Variants in NFU1 observed in about 807,000 individuals in gnomAD.
NFU1 encodes the protein NFU1 iron-sulfur cluster scaffold homolog, mitochondrial.
Under a neutral mutation model 32.2 loss-of-function variants are expected in NFU1, and 30 were observed. The ratio of observed to expected loss-of-function variants is 0.93; its 90% CI spans 0.70 to 1.26. NFU1 has a LOEUF of 1.26. NFU1 is among the 50% of genes most tolerant of loss of function. The pLI is 0.00. For missense variants in NFU1, 306 were observed against 306.6 expected (o/e 1.00, Z 0.02); for synonymous variants, 112 against 104.6 (o/e 1.07, Z -0.43).
chr2:69,417,607 G>A (rs1019092169), intron 4 of NFU1, among the ~76,000 whole-genome samples: 5 of 152,074 alleles, frequency 3.3e-5, no homozygotes, highest in South Asian at 2.1e-4. Context: ...ACCCATGATC[G>A]CACTACTGTA....
rs768949114 is a variant in NFU1, at chr2:69,415,249, T to A, written c.420A>T (p.Thr140=). Residue 140 remains threonine, a synonymous_variant, in exon 5 of 8, where the codon ACA becomes ACT. Coordinates refer to ENST00000410022, the MANE Select transcript of NFU1 (RefSeq NM_001002755.4). The part of the protein sequence containing the change: ...WNLLKPDIYA[T]IMDFFASGLP... ...AGCCAGATGCAAAGAAGTCCATGAT[T>A]GTTGCATAAATATCTGGTTTCAGTA... 64 of 1,613,108 alleles carry A rather than the reference T, an allele frequency of 4.0e-5. 1 individual carries two copies. The highest frequency in any genetic ancestry group is 2.5e-4 in the South Asian group (23 of 91,054).
Position 69,431,885 on chromosome 2 carries a change from A to C in NFU1, c.166+17T>G. On this transcript the variant is annotated intron_variant, in intron 2 of 7. Coordinates refer to ENST00000410022, the MANE Select transcript of NFU1 (RefSeq NM_001002755.4). The stretch of plus-strand genomic sequence containing the variant: ...AGTTTCTGAAACACAACTGCTATAA[A>C]AGAGGTGAAATTTTACCTGGGTGAT... 6.7e-7 allele frequency: 1 copy of C among 1,497,670 alleles called. No individual in the cohort carries two copies. Among genetic ancestry groups the C allele is most frequent in the Non-Finnish European group, 9.3e-7 (1 of 1,073,722 alleles). The allele number at this position is 1,497,670 out of a possible 1,614,324, so 92.8% of individuals were successfully genotyped here.
upstream of NFU1, among the ~76,000 whole-genome samples, chr2:69,438,913 C>G (rs1192451417): frequency 7.0e-5 from 9 of 127,982 alleles, no homozygotes; most frequent in Non-Finnish European, 1.3e-4. Context: ...CCCACCCCCC[C>G]ACACACACCC....
At chr2:69,421,676 T>C (rs1558835696) in intron 3 of NFU1, among the ~76,000 whole-genome samples, 1 of 149,060 alleles carries the variant, frequency 6.7e-6, no homozygotes, top group Non-Finnish European at 1.5e-5. Flanking sequence ...CATGCCATTC[T>C]CCTGCCTCAG....
chr2:69,404,536 TTAACATATAC>T (rs1662223554), intron 6 of NFU1, among the ~76,000 whole-genome samples: 1 of 150,902 alleles, frequency 6.6e-6, no homozygotes, highest in African/African-American at 2.4e-5. Context: ...ATCAAGCTAA[TTAACATATAC>T]TAACATATAC....
chr2:69,423,575 A>C lies in NFU1; in HGVS notation c.302+7T>G. 6.2e-7 allele frequency: 1 copy of C among 1,612,594 alleles called. No individual in the cohort carries two copies. Among genetic ancestry groups the C allele is most frequent in the Non-Finnish European group, 8.5e-7 (1 of 1,179,656 alleles). On this transcript the variant is annotated splice_region_variant and intron_variant, in intron 3 of 7. Transcript: ENST00000410022. ...CTTGGTAAAAGCAAATGAAAACAGT[A>C]ATATACCTAGCCAGAGGGGAGCGAA...
At chr2:69,396,320 A>C (rs764732484) in intron 7 of NFU1, 30 bp from the exon 8 acceptor site, 2 of 1,523,974 alleles carry the variant, frequency 1.3e-6, no homozygotes, top group Non-Finnish European at 1.8e-6. Context: ...ACAATTTAAG[A>C]ATTAAGAAAA....
intron 2 of NFU1, among the ~76,000 whole-genome samples, chr2:69,427,156 C>T (rs1378836347): frequency 1.2e-4 from 18 of 150,652 alleles, no homozygotes; most frequent in African/African-American, 2.9e-4. Context: ...GAGGCCAAAG[C>T]GGGTGGATCA....
intron 7 of NFU1, among the ~76,000 whole-genome samples, chr2:69,397,129 ACTTTTT>A (rs1055270371): frequency 3.9e-5 from 6 of 152,120 alleles, no homozygotes; most frequent in Non-Finnish European, 7.4e-5. Context: ...AATGTAAATG[ACTTTTT>A]CTTTTTTTCA....
rs1553401332 is a variant in NFU1, at chr2:69,424,201, A to ATATATATATG, written c.167-485_167-484insCATATATATA. ...AAAAAAAAAAAAAAAAAAAAAAAAT[A>ATATATATATG]TATATATATATATATATATCTCAAT... On this transcript the variant is annotated intron_variant, in intron 2 of 7. Transcript: ENST00000410022. Among the ~76,000 whole-genome samples, 663 of 82,056 alleles carry ATATATATATG rather than the reference A, an allele frequency of 8.1e-3. 27 individuals are homozygous for ATATATATATG. The South Asian group carries it at 0.097, about 12-fold the overall frequency. The allele number at this position is 82,056 out of a possible 152,430, so 53.8% of individuals were successfully genotyped here.
At chr2:69,432,892 G>C (rs1673691600) in intron 1 of NFU1, among the ~76,000 whole-genome samples, 1 of 151,990 alleles carries the variant, frequency 6.6e-6, no homozygotes, top group Non-Finnish European at 1.5e-5. Flanking sequence ...GCTCACGCCT[G>C]TAATGCCAGC....
intron 3 of NFU1, among the ~76,000 whole-genome samples, chr2:69,420,059 G>A (rs770800160): frequency 1.3e-5 from 2 of 151,814 alleles, no homozygotes; most frequent in South Asian, 2.1e-4. Context: ...AGGCTGGAGT[G>A]CAGTGGTGAG....
upstream of NFU1, chr2:69,437,537 C>CGGTCCTGCTGCGGAT: frequency 7.4e-7 from 1 of 1,347,102 alleles, no homozygotes; most frequent in Non-Finnish European, 1.0e-6. Context: ...CGGCTGCGGG[C>CGGTCCTGCTGCGGAT]GGTCCTGCTG....
At chr2:69,430,007 C>A in intron 2 of NFU1, 3 of 323,330 alleles carry the variant, frequency 9.3e-6, no homozygotes, top group Admixed American at 4.0e-5. Context: ...TTAGCCTGGG[C>A]AACATAGTGA....
At chr2:69,396,800 C>T (rs6729268) in intron 7 of NFU1, among the ~76,000 whole-genome samples, 19,801 of 152,098 alleles carry the variant, frequency 0.13, 1,427 homozygotes, top group Non-Finnish European at 0.16. Flanking sequence ...GGGCCAGGCG[C>T]GGTGGCTCAC....
At chr2:69,436,669 A>C (rs1157289282) in intron 1 of NFU1, among the ~76,000 whole-genome samples, 1 of 152,244 alleles carries the variant, frequency 6.6e-6, no homozygotes, top group Non-Finnish European at 1.5e-5. Flanking sequence ...CTAATACTCT[A>C]GAGGGCAAAC....
upstream of NFU1, among the ~76,000 whole-genome samples, chr2:69,438,019 C>G (rs1436481858): frequency 2.0e-5 from 3 of 152,210 alleles, no homozygotes; most frequent in African/African-American, 7.2e-5. Context: ...TGAGACTTGA[C>G]TAGTTTCCAG....
At chr2:69,402,803 G>A (rs895931174) in intron 6 of NFU1, among the ~76,000 whole-genome samples, 2 of 150,898 alleles carry the variant, frequency 1.3e-5, no homozygotes, top group Admixed American at 6.6e-5. Context: ...GGGTGGTCTC[G>A]AACTCCCAAC....
At chr2:69,421,879 T>C (rs757978327) in intron 3 of NFU1, among the ~76,000 whole-genome samples, 1 of 152,092 alleles carries the variant, frequency 6.6e-6, no homozygotes, top group Non-Finnish European at 1.5e-5. Flanking sequence ...TTATCATCTC[T>C]AACATACAGT....
Sources: gnomAD v4.1 joint callset for allele counts (sites outside exome capture counted in the v4.1 genomes callset) on GRCh38, gnomAD v4.1.1 for gene constraint, MANE v1.5 for transcripts, NCBI Gene and HGNC (gene_info 2026-07-23, HGNC 2026-07-21) for gene names.